Variants in LOC128092252 observed in about 807,000 individuals in gnomAD.
At chr15:50,686,027 C>G in the LOC128092252 span, among the ~76,000 whole-genome samples, 1 of 152,248 alleles carries the variant, frequency 6.6e-6, no homozygotes. Context: ...GCACAGCAAA[C>G]AAGGCACTGC....
the LOC128092252 span, among the ~76,000 whole-genome samples, chr15:50,673,139 A>C: frequency 2.2e-4 from 33 of 152,176 alleles, no homozygotes; most frequent in African/African-American, 7.5e-4. Context: ...TCAAGTCTAC[A>C]TAAGTGTAAT....
the LOC128092252 span, among the ~76,000 whole-genome samples, chr15:50,679,538 A>AATATATATATATATATATAT: frequency 2.3e-5 from 1 of 43,904 alleles, no homozygotes; most frequent in African/African-American, 1.1e-4. Flanking sequence ...ATATATATAT[A>AATATATATATATATATATAT]TTTTTTTTTT....
chr15:50,677,393 A>T, the LOC128092252 span, among the ~76,000 whole-genome samples: 1 of 151,976 alleles, frequency 6.6e-6, no homozygotes, highest in African/African-American at 2.4e-5. Flanking sequence ...GGGAGATCAC[A>T]TTCAGTACAT....
the LOC128092252 span, among the ~76,000 whole-genome samples, chr15:50,682,617 A>G: frequency 6.6e-6 from 1 of 152,094 alleles, no homozygotes; most frequent in Non-Finnish European, 1.5e-5. Flanking sequence ...CCTAAATCCA[A>G]AATTAACTGT....
the LOC128092252 span, among the ~76,000 whole-genome samples, chr15:50,658,503 G>A: frequency 2.0e-5 from 3 of 151,322 alleles, no homozygotes; most frequent in African/African-American, 2.4e-5. Flanking sequence ...ATGGGAGGTC[G>A]AGGCTAAAGT....
At chr15:50,684,675 G>A in the LOC128092252 span, among the ~76,000 whole-genome samples, 1 of 151,864 alleles carries the variant, frequency 6.6e-6, no homozygotes, top group East Asian at 1.9e-4. Context: ...ATACAGAGGA[G>A]AAAGAAACAT....
chr15:50,660,497 TA>T, the LOC128092252 span, among the ~76,000 whole-genome samples: 8 of 151,768 alleles, frequency 5.3e-5, no homozygotes, highest in Non-Finnish European at 1.0e-4. Context: ...CTACTAAAAA[TA>T]AAAAAAATTA....
the LOC128092252 span, among the ~76,000 whole-genome samples, chr15:50,681,173 C>T: frequency 0.15 from 22,063 of 151,764 alleles, 2,184 homozygotes; most frequent in Admixed American, 0.28. Context: ...ATCACTTGAA[C>T]CCGGGAGGCA....
chr15:50,674,793 C>A, the LOC128092252 span, among the ~76,000 whole-genome samples: 1 of 152,122 alleles, frequency 6.6e-6, no homozygotes, highest in African/African-American at 2.4e-5. Context: ...GTGCCAGGTA[C>A]AGTATTCTTG....
At chr15:50,662,699 A>G in the LOC128092252 span, among the ~76,000 whole-genome samples, 1 of 152,158 alleles carries the variant, frequency 6.6e-6, no homozygotes, top group African/African-American at 2.4e-5. Context: ...GTAAAACACT[A>G]CACTATGATC....
the LOC128092252 span, among the ~76,000 whole-genome samples, chr15:50,686,251 C>T: frequency 6.6e-6 from 1 of 152,346 alleles, no homozygotes; most frequent in South Asian, 2.1e-4. Context: ...GTCCCGGGCT[C>T]GCGCCTCTGC....
At chr15:50,672,366 A>T in the LOC128092252 span, among the ~76,000 whole-genome samples, 1 of 145,408 alleles carries the variant, frequency 6.9e-6, no homozygotes, top group African/African-American at 2.5e-5. Context: ...ACTCCTACCT[A>T]TTTTTTTTTT....
chr15:50,665,948 G>A, the LOC128092252 span, among the ~76,000 whole-genome samples: 2 of 151,992 alleles, frequency 1.3e-5, no homozygotes, highest in East Asian at 1.9e-4. Context: ...AGCCCAGATC[G>A]TGCTACTGCA....
the LOC128092252 span, among the ~76,000 whole-genome samples, chr15:50,650,957 G>C: frequency 2.6e-5 from 4 of 152,192 alleles, no homozygotes; most frequent in Non-Finnish European, 5.9e-5. Context: ...TGAAAATGGA[G>C]ACCGGCAGTT....
At chr15:50,672,752 A>T in the LOC128092252 span, among the ~76,000 whole-genome samples, 3 of 151,816 alleles carry the variant, frequency 2.0e-5, no homozygotes, top group South Asian at 2.1e-4. Context: ...ACTACTAAAA[A>T]TATAAAAATT....
At chr15:50,649,038 T>C in the LOC128092252 span, among the ~76,000 whole-genome samples, 1 of 152,190 alleles carries the variant, frequency 6.6e-6, no homozygotes, top group African/African-American at 2.4e-5. Context: ...AGGATATCTA[T>C]ATATTAATAC....
At chr15:50,670,565 G>A in the LOC128092252 span, among the ~76,000 whole-genome samples, 16 of 152,002 alleles carry the variant, frequency 1.1e-4, no homozygotes, top group Non-Finnish European at 2.2e-4. Context: ...AGATGCCATG[G>A]CAACATTCAG....
chr15:50,653,540 A>G, the LOC128092252 span, among the ~76,000 whole-genome samples: 1 of 152,164 alleles, frequency 6.6e-6, no homozygotes, highest in African/African-American at 2.4e-5. Flanking sequence ...ACAAGAAGAA[A>G]CACGAAGCTG....
At chr15:50,655,135 T>TA in the LOC128092252 span, among the ~76,000 whole-genome samples, 51,481 of 141,194 alleles carry the variant, frequency 0.36, 10,061 homozygotes, top group Admixed American at 0.43. Flanking sequence ...AAAAGTTAAT[T>TA]AAAAAAAAAA....
Sources: gnomAD v4.1 joint callset for allele counts (sites outside exome capture counted in the v4.1 genomes callset) on GRCh38, gnomAD v4.1.1 for gene constraint, MANE v1.5 for transcripts.